CRISPLD1: variants seen among roughly 807,000 people sequenced by gnomAD.
CRISPLD1 encodes the protein cysteine-rich secretory protein LCCL domain-containing 1.
Under a neutral mutation model 77.5 loss-of-function variants are expected in CRISPLD1, and 60 were observed. That is an observed-to-expected ratio of 0.77 (90% CI 0.63 to 0.96). The LOEUF (loss-of-function observed/expected upper bound fraction) is 0.96. Among genes scored for constraint, CRISPLD1 ranks in the 40% least tolerant of loss-of-function variants. The pLI is 0.00. For synonymous variants in CRISPLD1, 195 were observed against 200.1 expected, an observed-to-expected ratio of 0.97 and a Z score of 0.22; for missense variants, 623 against 615.8, an observed-to-expected ratio of 1.01 and a Z score of -0.12.
intron 14 of CRISPLD1, among the ~76,000 whole-genome samples, chr8:75,030,963 A>G (rs1485461811): frequency 6.6e-6 from 1 of 152,026 alleles, no homozygotes; most frequent in African/African-American, 2.4e-5. Context: ...GAGGGGTTAA[A>G]TGATGTGCTC....
chr8:75,025,682 A>G, intron 13 of CRISPLD1, 61 bp downstream of exon 13: 2 of 882,912 alleles, frequency 2.3e-6, no homozygotes, highest in East Asian at 2.5e-5. Flanking sequence ...GTATAGACAC[A>G]TTTAAATGTG....
At chr8:75,003,942 T>TA (rs2128783228) in intron 2 of CRISPLD1, among the ~76,000 whole-genome samples, 1 of 152,332 alleles carries the variant, frequency 6.6e-6, no homozygotes, top group African/African-American at 2.4e-5. Flanking sequence ...TATATATTGA[T>TA]ACAATGGGTT....
intron 2 of CRISPLD1, among the ~76,000 whole-genome samples, chr8:74,996,115 T>C (rs1439381306): frequency 2.0e-5 from 3 of 151,398 alleles, no homozygotes; most frequent in African/African-American, 7.3e-5. Flanking sequence ...TTTATACATA[T>C]ATGCATATGT....
At chr8:75,006,858 A>G (rs934720167) in intron 2 of CRISPLD1, among the ~76,000 whole-genome samples, 1 of 152,130 alleles carries the variant, frequency 6.6e-6, no homozygotes, top group Non-Finnish European at 1.5e-5. Flanking sequence ...GGGGTAATTT[A>G]TATGTGAAAG....
At chr8:75,029,984 A>G (rs1813305372) in intron 14 of CRISPLD1, among the ~76,000 whole-genome samples, 2 of 152,138 alleles carry the variant, frequency 1.3e-5, no homozygotes, top group Non-Finnish European at 2.9e-5. Flanking sequence ...GATATAAATG[A>G]ACTCTTTCAG....
In CRISPLD1 at chr8:75,015,934, A is replaced by C. The variant is rs180731779; in HGVS notation, c.728-631A>C. On this transcript the variant is annotated intron_variant, in intron 6 of 14. Transcript: ENST00000262207. Reference sequence around the variant, plus strand: ...TTAGGTTCTGAGTTCTTGGGCATGCATCAAAATTATACACCTCTCCAAAAT... The same window carrying C: ...TTAGGTTCTGAGTTCTTGGGCATGCCTCAAAATTATACACCTCTCCAAAAT... Among the ~76,000 whole-genome samples, 11 of 152,168 alleles carry C rather than the reference A, an allele frequency of 7.2e-5. No homozygotes were observed. In the East Asian group the frequency reaches 2.1e-3, roughly 29 times the overall value.
chr8:75,010,254 A>C (rs1812905273), intron 2 of CRISPLD1, among the ~76,000 whole-genome samples: 1 of 152,138 alleles, frequency 6.6e-6, no homozygotes, highest in Non-Finnish European at 1.5e-5. Flanking sequence ...AGGAATATTC[A>C]CCAATGAAAA....
intron 2 of CRISPLD1, among the ~76,000 whole-genome samples, chr8:75,008,060 G>T (rs1812865427): frequency 6.6e-6 from 1 of 152,126 alleles, no homozygotes; most frequent in Non-Finnish European, 1.5e-5. Context: ...CCTTCATGCT[G>T]AACTAGTTTA....
chr8:75,025,024 G>C (rs944401216), intron 12 of CRISPLD1, among the ~76,000 whole-genome samples: 3 of 152,144 alleles, frequency 2.0e-5, no homozygotes, highest in African/African-American at 7.2e-5. Flanking sequence ...TAGCTAAGTG[G>C]AGATGTTGAA....
At chr8:75,032,063 C>T (rs1482910351) in intron 14 of CRISPLD1, 128 bp from the exon 15 acceptor site, 1 of 600,648 alleles carries the variant, frequency 1.7e-6, no homozygotes, top group Non-Finnish European at 2.9e-6. Flanking sequence ...TTATAGTAGC[C>T]TAAGAAAGTT....
intron 11 of CRISPLD1, 33 bp from the exon 12 acceptor site, chr8:75,019,974 A>T (rs1813103426): frequency 1.2e-6 from 2 of 1,612,308 alleles, no homozygotes; most frequent in Admixed American, 3.3e-5. Context: ...CTTTCAAAGG[A>T]TTCACTCATT....
In CRISPLD1 at chr8:75,034,294, G is replaced by A. The variant is rs1368137543; in HGVS notation, c.*2052G>A. On this transcript the variant is annotated 3_prime_UTR_variant, in exon 15 of 15. Transcript: ENST00000262207. The stretch of plus-strand genomic sequence containing the variant: ...TTCAATTTACCTTACCTGTAAAATG[G>A]AACAAATAATATCTCCTTAAGATTG... The A allele has an allele frequency of 1.3e-5, 2 of 151,960 alleles. No individual in the cohort carries two copies. The highest frequency in any genetic ancestry group is 2.1e-4 in the South Asian group (1 of 4,822). 9.4% of individuals were successfully genotyped at this position (151,960 alleles called of 1,614,324 possible).
At chr8:74,997,863 T>C (rs1485028742) in intron 2 of CRISPLD1, among the ~76,000 whole-genome samples, 1 of 152,046 alleles carries the variant, frequency 6.6e-6, no homozygotes, top group African/African-American at 2.4e-5. Context: ...TTTCTGAGAG[T>C]AATTTCAGTG....
chr8:75,016,198 AT>A (rs1448696260), intron 6 of CRISPLD1, among the ~76,000 whole-genome samples: 1 of 152,178 alleles, frequency 6.6e-6, no homozygotes, highest in African/African-American at 2.4e-5. Context: ...TAAGAATATG[AT>A]TTTAATTGAA....
At chr8:75,024,529 T>C (rs1190067707) in intron 12 of CRISPLD1, among the ~76,000 whole-genome samples, 1 of 152,154 alleles carries the variant, frequency 6.6e-6, no homozygotes, top group Admixed American at 6.5e-5. Context: ...TTCACCTTGT[T>C]GGCCAGGCTG....
At chr8:74,997,746 GGA>G (rs1266317056) in intron 2 of CRISPLD1, among the ~76,000 whole-genome samples, 3 of 152,166 alleles carry the variant, frequency 2.0e-5, no homozygotes, top group African/African-American at 7.2e-5. Context: ...CCAGAAGCCA[GGA>G]GGAGAGTTCA....
intron 2 of CRISPLD1, among the ~76,000 whole-genome samples, chr8:74,996,561 C>CA (rs1363183088): frequency 6.6e-6 from 1 of 151,994 alleles, no homozygotes; most frequent in Non-Finnish European, 1.5e-5. Flanking sequence ...AGAGACCCAT[C>CA]ATTCTAGGCA....
At chr8:74,999,244 T>G (rs755795128) in intron 2 of CRISPLD1, among the ~76,000 whole-genome samples, 9 of 152,166 alleles carry the variant, frequency 5.9e-5, no homozygotes, top group Non-Finnish European at 1.0e-4. Context: ...AGACAGCAGA[T>G]TTTCTATATT....
In CRISPLD1 at chr8:75,013,996, G is replaced by C; in HGVS notation, c.520G>C (p.Ala174Pro). The C allele has an allele frequency of 6.2e-7, 1 of 1,611,396 alleles. No homozygotes were observed. The highest frequency in any genetic ancestry group is 1.1e-5 in the South Asian group (1 of 91,010). ...CATTTTTCTAACATAGGTCGTGTGG[G>C]CAACTAGTAACAGAATCGGTTGTGC... The part of the protein sequence containing the change: ...VCTHYTQVVW[A>P]TSNRIGCAIN... The change falls in exon 5 of 15, where the codon GCA becomes CCA. Residue 174 changes from alanine (A) to proline (P), a missense_variant. Ala to Pro is a conservative substitution (Grantham distance 27). Transcript: ENST00000262207.
Sources: gnomAD v4.1 joint callset for allele counts (sites outside exome capture counted in the v4.1 genomes callset) on GRCh38, gnomAD v4.1.1 for gene constraint, MANE v1.5 for transcripts, NCBI Gene and HGNC (gene_info 2026-07-23, HGNC 2026-07-21) for gene names.